Variants in NIPBL observed in about 807,000 individuals in gnomAD.
NIPBL encodes nipped-B-like protein.
In NIPBL, 19 loss-of-function variants were observed where a neutral mutation model predicts 321.8. The observed-to-expected ratio is 0.06, with a 90% CI of 0.04 to 0.09. NIPBL has a LOEUF of 0.09. Ranked by LOEUF, NIPBL falls within the 10% of genes least tolerant of loss-of-function variation. The probability of loss-of-function intolerance (pLI) is 1.00; values close to 1 mark genes in which losing one functional copy is unlikely to be tolerated. For synonymous variants in NIPBL, 1,106 were observed against 1,114.1 expected, an observed-to-expected ratio of 0.99 and a Z score of 0.14; for missense variants, 2,210 against 3,327.0, an observed-to-expected ratio of 0.66 and a Z score of 8.26.
intron 10 of NIPBL, among the ~76,000 whole-genome samples, chr5:36,988,422 T>A (rs1253051036): frequency 6.6e-6 from 1 of 152,160 alleles, no homozygotes; most frequent in African/African-American, 2.4e-5. Context: ...CAAAAAATAC[T>A]ATGTCAGTGC....
chr5:36,968,112 CAA>C lies in NIPBL; in HGVS notation c.611-2759_611-2758del, dbSNP rs1248532097. Among the ~76,000 whole-genome samples the C allele has an allele frequency of 2.9e-5, 3 of 102,540 alleles. No homozygotes were observed. The Admixed American group carries it at 3.9e-4, about 13-fold the overall frequency. The allele number at this position is 102,540 out of a possible 152,430, so 67.3% of individuals were successfully genotyped here. On this transcript the variant is annotated intron_variant, in intron 6 of 46. Coordinates refer to ENST00000282516, the MANE Select transcript of NIPBL (RefSeq NM_133433.4). The stretch of plus-strand genomic sequence containing the variant: ...CTCTGTCTCAAAAAAAAAAAAAAAA[CAA>C]AAAACAAAAAACGAATAAGCAGTGT...
At chr5:36,988,326 A>ATG (rs1443269034) in intron 10 of NIPBL, among the ~76,000 whole-genome samples, 1 of 151,994 alleles carries the variant, frequency 6.6e-6, no homozygotes, top group African/African-American at 2.4e-5. Flanking sequence ...TATTAGAGTG[A>ATG]TGTGTGTGTA....
At chr5:36,964,798 A>ACT (rs985863463) in intron 6 of NIPBL, among the ~76,000 whole-genome samples, 8 of 152,100 alleles carry the variant, frequency 5.3e-5, no homozygotes, top group African/African-American at 1.7e-4. Context: ...GTGATTAATA[A>ACT]CTAGAATATC....
At chr5:37,035,373 C>T (rs192087556) in intron 32 of NIPBL, among the ~76,000 whole-genome samples, 1 of 152,280 alleles carries the variant, frequency 6.6e-6, no homozygotes, top group Non-Finnish European at 1.5e-5. Flanking sequence ...TACATTGAAG[C>T]TGTCTGCTTT....
intron 9 of NIPBL, among the ~76,000 whole-genome samples, chr5:36,978,132 T>C (rs2149632280): frequency 6.6e-6 from 1 of 152,184 alleles, no homozygotes; most frequent in Non-Finnish European, 1.5e-5. Flanking sequence ...AGTAGTGGGA[T>C]TACTAGGTCA....
At chr5:37,005,659 TA>T (rs1747344360) in intron 16 of NIPBL, among the ~76,000 whole-genome samples, 1 of 152,196 alleles carries the variant, frequency 6.6e-6, no homozygotes, top group African/African-American at 2.4e-5. Context: ...TCCTAGGGTA[TA>T]AGCTTTGAAT....
intron 34 of NIPBL, among the ~76,000 whole-genome samples, chr5:37,042,909 A>G (rs1347777037): frequency 6.6e-6 from 1 of 151,668 alleles, no homozygotes; most frequent in Non-Finnish European, 1.5e-5. Context: ...GCACACACAC[A>G]CACACACACA....
chr5:36,886,087 A>C, intron 1 of NIPBL: 2 of 691,666 alleles, frequency 2.9e-6, no homozygotes, highest in Non-Finnish European at 5.3e-6. Context: ...CTGAGATGAC[A>C]CTCACGGAGC....
intron 1 of NIPBL, chr5:36,885,898 G>T: frequency 1.4e-6 from 1 of 735,978 alleles, no homozygotes; most frequent in Non-Finnish European, 2.5e-6. Context: ...CCAGCTCTGG[G>T]TTGACCGTGA....
rs189681367 is a variant in NIPBL at position 37,055,124 on chromosome 5, G to T, written c.7264-2062G>T. The stretch of plus-strand genomic sequence containing the variant: ...AGCATTTGGGGAGGCCGAGGCAGAT[G>T]GATCACCTGAGGTCAGGAGTTCGAG... On this transcript the variant is annotated intron_variant, in intron 42 of 46. Transcript: ENST00000282516. Among the ~76,000 whole-genome samples, 190 of 152,262 alleles carry T rather than the reference G, an allele frequency of 1.2e-3. 2 individuals carry two copies. Among genetic ancestry groups the T allele is most frequent in the African/African-American group, 4.3e-3 (178 of 41,562 alleles).
chr5:37,051,896 T>G lies in NIPBL; in HGVS notation c.7062+10T>G, dbSNP rs755471149. On this transcript the variant is annotated intron_variant, in intron 41 of 46. Transcript: ENST00000282516. ...TGCTGGATTCATTCATGTATGTATT[T>G]TAACATTTTATAACCTAAATTTAAA... 1.6e-5 allele frequency: 25 copies of G among 1,576,330 alleles called. No homozygotes were observed. Among genetic ancestry groups the G allele is most frequent in the Non-Finnish European group, 2.2e-5 (25 of 1,145,594 alleles).
chr5:37,048,361 C>G, intron 38 of NIPBL, 141 bp from the exon 39 acceptor site: 1 of 395,974 alleles, frequency 2.5e-6, no homozygotes, highest in Non-Finnish European at 4.3e-6. Flanking sequence ...CTAGGTAAGG[C>G]CACCAGCATA....
At chr5:37,049,333 A>G (rs972799135) in intron 40 of NIPBL, 32 bp downstream of exon 40, 1 of 1,602,568 alleles carries the variant, frequency 6.2e-7, no homozygotes, top group East Asian at 2.2e-5. Context: ...AGCACTTACT[A>G]AAAGAGCAAG....
Position 36,955,576 on chromosome 5 carries a change from A to G in NIPBL, c.169A>G (p.Arg57Gly), listed in dbSNP as rs539552810. 5.6e-6 allele frequency: 9 copies of G among 1,614,076 alleles called. No homozygotes were observed. The Admixed American group carries it at 1.5e-4, about 27-fold the overall frequency. ...AGAGGTGAACTGCCTTTTGGCTTGTAGGGATGACAATTTGGTTTCACAGCT... is the reference window on the plus strand; with the variant it reads ...AGAGGTGAACTGCCTTTTGGCTTGTGGGGATGACAATTTGGTTTCACAGCT... ...AEEVNCLLAC[R>G]DDNLVSQLVH... Residue 57 changes from arginine (R) to glycine (G), a missense_variant, in exon 3 of 47, where the codon AGG becomes GGG. This residue lies in a region of NIPBL where 464 missense variants were observed against 529.5 expected (regional missense o/e 0.88). Coordinates refer to ENST00000282516, the MANE Select transcript of NIPBL (RefSeq NM_133433.4).
rs558749457 is a variant in NIPBL, at chr5:36,985,584, A to G, written c.2404A>G (p.Lys802Glu). The G allele has an allele frequency of 5.0e-6, 8 of 1,613,930 alleles. No homozygotes were observed. The African/African-American group carries it at 9.3e-5, about 19-fold the overall frequency. Residue 802 changes from lysine (K) to glutamate (E), a missense_variant, in exon 10 of 47, where the codon AAG becomes GAG. Transcript: ENST00000282516. ...AAAATCAGAACGAGCTGAAGCCTTA[A>G]AGCAGAGACCTGATGGGCGATCTGT... is the stretch of plus-strand genomic sequence containing the variant. ...RLKSERAEAL[K>E]QRPDGRSVSE...
At chr5:37,005,144 T>G (rs963801841) in intron 16 of NIPBL, among the ~76,000 whole-genome samples, 6 of 152,214 alleles carry the variant, frequency 3.9e-5, no homozygotes, top group Admixed American at 1.3e-4. Flanking sequence ...AAGACAATTC[T>G]TCTTCCACTG....
intron 10 of NIPBL, 120 bp downstream of exon 10, chr5:36,986,421 A>C (rs1425656869): frequency 2.9e-6 from 2 of 686,776 alleles, no homozygotes; most frequent in African/African-American, 3.8e-5. Context: ...TATAACATTT[A>C]TGTCAAACAA....
At chr5:36,923,839 T>C (rs56974222) in intron 1 of NIPBL, among the ~76,000 whole-genome samples, 14,938 of 152,192 alleles carry the variant, frequency 0.098, 988 homozygotes, top group East Asian at 0.26. Context: ...TAATATGATA[T>C]AAAAATTGCA....
At chr5:37,026,386 C>T in intron 31 of NIPBL, 59 bp downstream of exon 31, 1 of 915,312 alleles carries the variant, frequency 1.1e-6, no homozygotes. Context: ...TTGAGGCCTA[C>T]ATGTCTTATG....
Sources: allele counts gnomAD v4.1 joint callset (sites outside exome capture counted in the v4.1 genomes callset), GRCh38; gene constraint gnomAD v4.1.1; regional missense constraint gnomAD v4.1.1; transcripts MANE v1.5; gene names NCBI Gene and HGNC (gene_info 2026-07-23, HGNC 2026-07-21).